Variants in WNK2 observed in about 807,000 individuals in gnomAD.
WNK2 encodes the protein WNK lysine deficient protein kinase 2.
In WNK2, 67 loss-of-function variants were observed where a neutral mutation model predicts 192.1. That is an observed-to-expected ratio of 0.35 (90% CI 0.29 to 0.43). The LOEUF is 0.43. Ranked by LOEUF, WNK2 falls within the 20% of genes least tolerant of loss-of-function variation. The pLI is 1.00. For synonymous variants in WNK2, 1,439 were observed against 1,393.9 expected, an observed-to-expected ratio of 1.03 and a Z score of -0.72; for missense variants, 2,698 against 3,089.7, an observed-to-expected ratio of 0.87 and a Z score of 3.01.
At chr9:93,227,065 TGC>T (rs1166825416) in intron 2 of WNK2, among the ~76,000 whole-genome samples, 1 of 151,118 alleles carries the variant, frequency 6.6e-6, no homozygotes, top group Non-Finnish European at 1.5e-5. Context: ...GGTAGCAGTG[TGC>T]CAGGTGGGGC....
intron 5 of WNK2, 67 bp downstream of exon 5, chr9:93,235,032 G>T: frequency 6.4e-7 from 1 of 1,563,200 alleles, no homozygotes; most frequent in South Asian, 1.2e-5. Context: ...CCCTGGGCTG[G>T]GCTCCATGTG....
chr9:93,245,530 C>A (rs1013292080), intron 7 of WNK2, among the ~76,000 whole-genome samples: 1 of 152,220 alleles, frequency 6.6e-6, no homozygotes, highest in African/African-American at 2.4e-5. Context: ...CAGCTTCACC[C>A]GCCAGTTAGG....
chr9:93,275,046 A>T (rs2133408757), intron 19 of WNK2, among the ~76,000 whole-genome samples: 1 of 81,212 alleles, frequency 1.2e-5, no homozygotes, highest in African/African-American at 3.6e-5. Flanking sequence ...AGCAAGTCAA[A>T]TTCAGCACTA....
intron 27 of WNK2, chr9:93,307,765 A>G (rs1376027927): frequency 1.3e-5 from 2 of 152,828 alleles, no homozygotes; most frequent in Non-Finnish European, 2.9e-5. Flanking sequence ...CAACCAGACC[A>G]TTAAAATTCA....
chr9:93,202,325 C>CGTGTGTGTGTGTGTGTGTGT (rs761769543), intron 2 of WNK2, among the ~76,000 whole-genome samples: 46 of 130,558 alleles, frequency 3.5e-4, no homozygotes, highest in East Asian at 7.3e-4. Context: ...TCCGTGTGCA[C>CGTGTGTGTGTGTGTGTGTGT]GTGTGTGTGT....
In WNK2 at chr9:93,263,572, A is replaced by C. The variant is rs774434172; in HGVS notation, c.3417A>C (p.Gly1139=). 1 of 1,611,058 alleles carries C rather than the reference A, an allele frequency of 6.2e-7. No individual in the cohort carries two copies. Among genetic ancestry groups the C allele is most frequent in the Non-Finnish European group, 8.5e-7 (1 of 1,179,194 alleles). Residue 1139 remains glycine (G), a synonymous_variant, in exon 15 of 30, where the codon GGA becomes GGC. Coordinates refer to ENST00000427277, the MANE Select transcript of WNK2 (RefSeq NM_006648.4). ...GTTCTTGGGTTTTGCTCAGCTATGG[A>C]GGTTCTGATGTCACTTCTGGAAAAG... The part of the protein sequence containing the change: ...PGLPQSCESY[G]GSDVTSGKEL...
At position 93,259,808 on chromosome 9, in the gene WNK2, C is replaced by A. The variant is rs1005004940; in HGVS notation, c.3066+194C>A. Among the ~76,000 whole-genome samples the A allele has an allele frequency of 6.6e-6, 1 of 152,210 alleles. No homozygotes were observed. The highest frequency in any genetic ancestry group is 2.4e-5 in the African/African-American group (1 of 41,464). ...AGGCATCTGCATCTCTTCCGTTTTC[C>A]GAATGGGTCAGGAGATGCAGGAGTC... On this transcript the variant is annotated intron_variant, in intron 12 of 29. Coordinates refer to ENST00000427277, the MANE Select transcript of WNK2 (RefSeq NM_006648.4). The surrounding 1 kb of genome is among the most constrained non-coding windows in gnomAD (Gnocchi z 4.8).
Position 93,268,481 on chromosome 9 carries a change from C to G in WNK2, c.3914-146C>G, listed in dbSNP as rs374925610. ...GATTAATGACTGGGAACAGTGTTCT[C>G]TGCCCACACCCTTCCTGGAGAAAAT... On this transcript the variant is annotated intron_variant, in intron 18 of 29. Transcript: ENST00000427277. 38 of 1,292,824 alleles carry G rather than the reference C, an allele frequency of 2.9e-5. 1 individual carries two copies. The South Asian group carries it at 4.4e-4, about 15-fold the overall frequency. 80.1% of individuals were successfully genotyped at this position (1,292,824 alleles called of 1,614,324 possible).
In WNK2 at chr9:93,288,799, T is replaced by C. The variant is rs765256130; in HGVS notation, c.4045T>C (p.Tyr1349His). The C allele has an allele frequency of 6.2e-7, 1 of 1,611,080 alleles. No homozygotes were observed. Among genetic ancestry groups the C allele is most frequent in the Admixed American group, 1.7e-5 (1 of 59,816 alleles). Residue 1349 changes from tyrosine (Y) to histidine (H), a missense_variant, in exon 20 of 30, where the codon TAT becomes CAT. Physicochemically the swap from Tyr to His is moderately conservative, Grantham distance 83. Transcript: ENST00000427277. ...CCCATTTCTTCTAGATTCAGCGCCC[T>C]ATAAAGACCAGCTGTCCTCGAAGGA... is the stretch of plus-strand genomic sequence containing the variant. Reference protein sequence around the residue: ...PPEASQDSAPYKDQLSSKEQP... With the variant: ...PPEASQDSAPHKDQLSSKEQP...
Position 93,263,925 on chromosome 9 carries a change from C to T in WNK2, c.3588C>T (p.Asn1196=), listed in dbSNP as rs774750757. 1.5e-5 allele frequency: 24 copies of T among 1,612,568 alleles called. No homozygotes were observed. The East Asian group carries it at 2.0e-4, about 13-fold the overall frequency. Residue 1196 remains asparagine, a synonymous_variant, in exon 16 of 30, where the codon AAC becomes AAT. Transcript: ENST00000427277. ...RPRLTILNVC[N]TGDKMVECQL... ...GATGCTGCCCCTTCCAGGTGTGCAA[C>T]ACTGGGGACAAGATGGTGGAGTGCC...
intron 5 of WNK2, among the ~76,000 whole-genome samples, chr9:93,237,018 C>G (rs1839927645): frequency 6.6e-6 from 1 of 152,154 alleles, no homozygotes; most frequent in Admixed American, 6.5e-5. Context: ...TGGAGGTGTG[C>G]AGTGTGTTGT....
rs1037193271 is a variant in WNK2 at position 93,262,125 on chromosome 9, C to G, written c.3360+18C>G. 6.4e-7 allele frequency: 1 copy of G among 1,561,132 alleles called. No individual in the cohort carries two copies. Among genetic ancestry groups the G allele is most frequent in the African/African-American group, 1.3e-5 (1 of 74,156 alleles). ...TCCAAGAGGTGTGTGCCCCTCCCCC[C>G]AGCCTGTCCCATGACTGGGCAGTTG... On this transcript the variant is annotated intron_variant, in intron 13 of 29. Coordinates refer to ENST00000427277, the MANE Select transcript of WNK2 (RefSeq NM_006648.4).
At chr9:93,241,463 GA>G (rs1311699629) in intron 7 of WNK2, among the ~76,000 whole-genome samples, 1 of 152,170 alleles carries the variant, frequency 6.6e-6, no homozygotes, top group African/African-American at 2.4e-5. Flanking sequence ...GCTTTTTACT[GA>G]ATACATCACG....
chr9:93,265,728 G>A lies in WNK2; in HGVS notation c.3696+1695G>A, dbSNP rs536077162. Among the ~76,000 whole-genome samples the A allele has an allele frequency of 9.6e-4, 146 of 152,364 alleles. 1 individual carries two copies. Among genetic ancestry groups the A allele is most frequent in the Middle Eastern group, 3.4e-3 (1 of 294 alleles). On this transcript the variant is annotated intron_variant, in intron 16 of 29. Transcript: ENST00000427277. ...TCAGCCACCAGCTGATGCTGCATGT[G>A]CGGCTGACGCTTCCAGTGCTTGCCT...
At chr9:93,252,461 C>T (rs1842726082) in intron 8 of WNK2, among the ~76,000 whole-genome samples, 1 of 152,254 alleles carries the variant, frequency 6.6e-6, no homozygotes, top group African/African-American at 2.4e-5. Flanking sequence ...AGTGCTGAGA[C>T]ACCCTCGCCT....
chr9:93,199,557 A>G (rs1476226965), intron 2 of WNK2, among the ~76,000 whole-genome samples: 1 of 152,140 alleles, frequency 6.6e-6, no homozygotes, highest in African/African-American at 2.4e-5. Context: ...TTTAATTAAG[A>G]GGTTCGAGCA....
In WNK2 at chr9:93,297,938, C is replaced by G; in HGVS notation, c.5794C>G (p.Pro1932Ala). Residue 1932 changes from proline (P) to alanine (A), a missense_variant, in exon 24 of 30, where the codon CCC becomes GCC. By Grantham distance (27) the Pro-to-Ala change is conservative. Transcript: ENST00000427277. The stretch of plus-strand genomic sequence containing the variant: ...CCGCCGCCTGGGCAAGCCACTGCCC[C>G]CCAACGTGGGCTTCTTCCACACGGC... Reference protein sequence around the residue: ...LYRRLGKPLPPNVGFFHTAPP... With the variant: ...LYRRLGKPLPANVGFFHTAPP... The G allele has an allele frequency of 2.5e-6, 4 of 1,588,804 alleles. No homozygotes were observed. The South Asian group carries it at 4.6e-5, about 18-fold the overall frequency.
At chr9:93,242,659 AGGCAC>A (rs1396615547) in intron 7 of WNK2, among the ~76,000 whole-genome samples, 1 of 152,232 alleles carries the variant, frequency 6.6e-6, no homozygotes, top group East Asian at 1.9e-4. Flanking sequence ...ATCTCTCTGG[AGGCAC>A]CTGGCTGGCC....
intron 2 of WNK2, among the ~76,000 whole-genome samples, chr9:93,202,046 C>T (rs1832463583): frequency 6.6e-6 from 1 of 152,202 alleles, no homozygotes; most frequent in Non-Finnish European, 1.5e-5. Flanking sequence ...CTGGAGGTCA[C>T]AGGGGGGTCT....
Sources: gnomAD v4.1 joint callset for allele counts (sites outside exome capture counted in the v4.1 genomes callset) on GRCh38, gnomAD v4.1.1 for gene constraint, Gnocchi (gnomAD v3.1) non-coding constraint, MANE v1.5 for transcripts, NCBI Gene and HGNC (gene_info 2026-07-23, HGNC 2026-07-21) for gene names.